The following DCBLD1 variants were observed in gnomAD, a reference collection of about 807,000 sequenced individuals.
DCBLD1 encodes discoidin, CUB and LCCL domain containing 1, also known as discoidin, CUB and LCCL domain-containing protein 1.
A neutral mutation model predicts 71.5 loss-of-function variants in DCBLD1; 57 were observed. That is an observed-to-expected ratio of 0.80 (90% CI 0.64 to 0.99). DCBLD1 has a LOEUF of 0.99. DCBLD1 is among the 50% of genes least tolerant of loss of function. The probability of loss-of-function intolerance (pLI) is 0.00; values close to 1 mark genes in which losing one functional copy is unlikely to be tolerated. For synonymous variants in DCBLD1, 380 were observed against 363.8 expected (o/e 1.04, Z -0.51); for missense variants, 891 against 923.5 (o/e 0.96, Z 0.46).
chr6:117,557,311 C>T (rs1779506929), intron 14 of DCBLD1, among the ~76,000 whole-genome samples: 1 of 151,964 alleles, frequency 6.6e-6, no homozygotes, highest in African/African-American at 2.4e-5. Context: ...AGAAAATATG[C>T]CCAGTGTATA....
At chr6:117,538,857 C>A (rs769548765) in intron 8 of DCBLD1, 22 bp downstream of exon 8, 1 of 1,595,682 alleles carries the variant, frequency 6.3e-7, no homozygotes, top group Non-Finnish European at 8.5e-7. Context: ...AACACAAGTG[C>A]CAAGTGCAGG....
chr6:117,554,665 C>T (rs563120379), downstream of DCBLD1, among the ~76,000 whole-genome samples: 13 of 152,162 alleles, frequency 8.5e-5, no homozygotes, highest in African/African-American at 2.4e-4. Flanking sequence ...GAGGCTGAGG[C>T]GGGCGGATCA....
At chr6:117,538,557 A>G (rs1385856448) in intron 7 of DCBLD1, 63 bp from the exon 8 acceptor site, 10 of 1,419,188 alleles carry the variant, frequency 7.0e-6, no homozygotes, top group South Asian at 1.2e-5. Flanking sequence ...ATGTGGTACT[A>G]CTTTTTTTTT....
At chr6:117,566,845 GATT>G (rs764880210) in intron 14 of DCBLD1, 1 of 1,526,076 alleles carries the variant, frequency 6.6e-7, no homozygotes, top group South Asian at 1.3e-5. Flanking sequence ...TTTTTAGAGT[GATT>G]TTTACCTTGT....
chr6:117,491,734 T>C (rs1777300083), intron 1 of DCBLD1, among the ~76,000 whole-genome samples: 1 of 152,204 alleles, frequency 6.6e-6, no homozygotes, highest in African/African-American at 2.4e-5. Context: ...TTAGTCACTT[T>C]TAATCTATCA....
At chr6:117,511,728 G>A (rs929713606) in intron 2 of DCBLD1, among the ~76,000 whole-genome samples, 3 of 152,176 alleles carry the variant, frequency 2.0e-5, no homozygotes, top group South Asian at 4.1e-4. Context: ...AGGGGAAAGC[G>A]CAAGATTGAC....
chr6:117,500,512 T>A (rs886381554), intron 1 of DCBLD1, among the ~76,000 whole-genome samples: 1 of 152,132 alleles, frequency 6.6e-6, no homozygotes, highest in African/African-American at 2.4e-5. Context: ...GTGAAAGAAG[T>A]TTCCTCTTAG....
chr6:117,548,325 C>T lies in DCBLD1; in HGVS notation c.2034C>T (p.Ser678=), dbSNP rs1377109796. Residue 678 remains serine, a synonymous_variant, in exon 15 of 15, where the codon AGC becomes AGT. Transcript: ENST00000338728. The part of the protein sequence containing the change: ...PKAVSALATE[S]GHPDSQKPPT... Reference sequence around the variant, plus strand: ...CTGTCAGCGCCCTCGCCACCGAAAGCGGGCACCCTGACTCTCAGAAGCCCC... The same window carrying T: ...CTGTCAGCGCCCTCGCCACCGAAAGTGGGCACCCTGACTCTCAGAAGCCCC... 1.2e-5 allele frequency: 19 copies of T among 1,550,696 alleles called. No individual in the cohort carries two copies. Among genetic ancestry groups the T allele is most frequent in the Middle Eastern group, 1.7e-4 (1 of 5,992 alleles).
At chr6:117,498,470 T>C (rs1000247133) in intron 1 of DCBLD1, among the ~76,000 whole-genome samples, 1 of 152,190 alleles carries the variant, frequency 6.6e-6, no homozygotes, top group Non-Finnish European at 1.5e-5. Flanking sequence ...TCAAATTCCC[T>C]GTGGCAAAAC....
At chr6:117,509,757 C>T (rs1051105340) in intron 2 of DCBLD1, among the ~76,000 whole-genome samples, 24 of 152,162 alleles carry the variant, frequency 1.6e-4, no homozygotes, top group African/African-American at 5.8e-4. Context: ...GCAGCACACC[C>T]TACCCTACTC....
Position 117,532,336 on chromosome 6 carries a change from A to G in DCBLD1, c.662A>G (p.Gln221Arg). 6.2e-7 allele frequency: 1 copy of G among 1,613,802 alleles called. No homozygotes were observed. The highest frequency in any genetic ancestry group is 2.2e-5 in the East Asian group (1 of 44,876). ...CTAGGTGGCCAGATCAGTGTGCTTC[A>G]GCGCAAAGGGATCAGTCGATATGAA... Reference protein sequence around the residue: ...DELGGQISVLQRKGISRYEGI... With the variant: ...DELGGQISVLRRKGISRYEGI... The change falls in exon 6 of 15, where the codon CAG becomes CGG. Residue 221 changes from glutamine to arginine, a missense_variant. By Grantham distance (43) the Gln-to-Arg change is conservative. Coordinates refer to ENST00000338728, the MANE Select transcript of DCBLD1 (RefSeq NM_001366458.2).
intron 2 of DCBLD1, among the ~76,000 whole-genome samples, chr6:117,511,115 C>T (rs919866405): frequency 2.0e-5 from 3 of 152,036 alleles, no homozygotes; most frequent in African/African-American, 7.2e-5. Flanking sequence ...CTGCACCATC[C>T]GATTCAGTGT....
Position 117,563,593 on chromosome 6 carries a change from A to G in DCBLD1, c.1616-6027A>G, listed in dbSNP as rs572578164. 5.3e-5 allele frequency among the ~76,000 whole-genome samples: 8 copies of G among 152,168 alleles called. No homozygotes were observed. In the South Asian group the frequency reaches 6.2e-4, roughly 12 times the overall value. ...AAAAATTCGCCGGGCATGGTGGCAC[A>G]TGCCTGTAATCCCAGCTATTTGGGA... On this transcript the variant is annotated intron_variant, in intron 14 of 14. Transcript: ENST00000296955.
chr6:117,558,856 C>T (rs1779531166), intron 14 of DCBLD1, among the ~76,000 whole-genome samples: 1 of 152,162 alleles, frequency 6.6e-6, no homozygotes, highest in Non-Finnish European at 1.5e-5. Context: ...AACAAAAATC[C>T]TACTGTTTGT....
chr6:117,491,830 C>T (rs1387708462), intron 1 of DCBLD1, among the ~76,000 whole-genome samples: 1 of 152,178 alleles, frequency 6.6e-6, no homozygotes, highest in Non-Finnish European at 1.5e-5. Flanking sequence ...CTAAAGTGTA[C>T]TCACCGCTTC....
chr6:117,485,767 T>C (rs1200448875), intron 1 of DCBLD1, among the ~76,000 whole-genome samples: 1 of 152,260 alleles, frequency 6.6e-6, no homozygotes, highest in Non-Finnish European at 1.5e-5. Context: ...TGACATTCTT[T>C]ATAAAGGTGT....
chr6:117,537,494 A>T (rs945169120), intron 7 of DCBLD1, among the ~76,000 whole-genome samples: 1 of 151,078 alleles, frequency 6.6e-6, no homozygotes, highest in Non-Finnish European at 1.5e-5. Flanking sequence ...AGATTGCGCC[A>T]CTGCACTCCA....
At chr6:117,562,568 C>CA (rs909757358) in intron 14 of DCBLD1, 1 of 202,366 alleles carries the variant, frequency 4.9e-6, no homozygotes, top group South Asian at 1.9e-4. Context: ...TTTTAAAAAA[C>CA]AAAAAAAGTA....
At chr6:117,512,577 TTTTA>T (rs1778057835) in intron 2 of DCBLD1, among the ~76,000 whole-genome samples, 2 of 152,174 alleles carry the variant, frequency 1.3e-5, no homozygotes, top group South Asian at 4.1e-4. Context: ...CTGGAGATTG[TTTTA>T]TCAGCATACC....
Sources: gnomAD v4.1 joint callset for allele counts (sites outside exome capture counted in the v4.1 genomes callset) on GRCh38, gnomAD v4.1.1 for gene constraint, MANE v1.5 for transcripts, NCBI Gene and HGNC (gene_info 2026-07-23, HGNC 2026-07-21) for gene names.